GPC6: variants seen among roughly 807,000 people sequenced by gnomAD.
GPC6 encodes the protein glypican-6.
In GPC6, 14 loss-of-function variants were observed where a neutral mutation model predicts 55.2. The ratio of observed to expected loss-of-function variants is 0.25; its 90% CI spans 0.17 to 0.40. The LOEUF is 0.40. Ranked by LOEUF, GPC6 falls within the 10% of genes least tolerant of loss-of-function variation. The pLI, the probability that GPC6 is intolerant of heterozygous loss-of-function variation, is 1.00. For synonymous variants in GPC6, 278 were observed against 259.6 expected (o/e 1.07, Z -0.68); for missense variants, 641 against 708.5 (o/e 0.90, Z 1.08).
Position 93,807,549 on chromosome 13 carries a change from A to C in GPC6, c.320-22605A>C, listed in dbSNP as rs993032372. Among the ~76,000 whole-genome samples, 13 of 152,348 alleles carry C rather than the reference A, an allele frequency of 8.5e-5. No individual in the cohort carries two copies. In the East Asian group the frequency reaches 2.5e-3, roughly 29 times the overall value. On this transcript the variant is annotated intron_variant, in intron 2 of 8. Transcript: ENST00000377047. ...GAGTTACTGATTCAGACAAAATGGC[A>C]TGAAGGCAAGAACTTACATTCCAAC... is the stretch of plus-strand genomic sequence containing the variant.
At chr13:94,187,454 G>A (rs771849607) in intron 4 of GPC6, 1 of 152,122 alleles carries the variant, frequency 6.6e-6, no homozygotes, top group Non-Finnish European at 1.5e-5. Flanking sequence ...AAGCATTCAC[G>A]AATTTTACTG....
At chr13:94,049,199 C>T (rs77790709) in intron 4 of GPC6, among the ~76,000 whole-genome samples, 1,805 of 150,802 alleles carry the variant, frequency 0.012, 41 homozygotes, top group African/African-American at 0.041. Context: ...TGCAGTAAGA[C>T]GACTGCATCA....
At chr13:94,133,489 C>A (rs894690956) in intron 4 of GPC6, among the ~76,000 whole-genome samples, 1 of 152,036 alleles carries the variant, frequency 6.6e-6, no homozygotes, top group Non-Finnish European at 1.5e-5. Context: ...TACAAGATAT[C>A]TTGGCAGAAC....
chr13:93,765,598 G>A (rs1300596832), intron 2 of GPC6, among the ~76,000 whole-genome samples: 1 of 152,042 alleles, frequency 6.6e-6, no homozygotes, highest in African/African-American at 2.4e-5. Flanking sequence ...TATGCCCCAG[G>A]TTACCTGCAT....
chr13:93,729,185 T>C (rs1317926983), intron 2 of GPC6, among the ~76,000 whole-genome samples: 3 of 152,196 alleles, frequency 2.0e-5, no homozygotes, highest in African/African-American at 7.2e-5. Flanking sequence ...CTCTCTTCTC[T>C]GTGTAGCTTA....
At chr13:93,920,474 T>G (rs1877512560) in intron 3 of GPC6, among the ~76,000 whole-genome samples, 1 of 152,200 alleles carries the variant, frequency 6.6e-6, no homozygotes, top group East Asian at 1.9e-4. Context: ...ACTTGAAGGT[T>G]TCCCTAATAT....
intron 4 of GPC6, among the ~76,000 whole-genome samples, chr13:94,231,533 T>C (rs1890728852): frequency 6.6e-6 from 1 of 152,170 alleles, no homozygotes; most frequent in South Asian, 2.1e-4. Context: ...AAGGGCAACT[T>C]AAAAGGCATG....
chr13:93,828,950 C>T (rs7332246), intron 2 of GPC6, among the ~76,000 whole-genome samples: 5,978 of 152,134 alleles, frequency 0.039, 160 homozygotes, highest in African/African-American at 0.067. Context: ...GAGAGGTGTT[C>T]GTCACTATTT....
chr13:93,568,887 C>G (rs1221985863), intron 2 of GPC6, among the ~76,000 whole-genome samples: 1 of 152,090 alleles, frequency 6.6e-6, no homozygotes, highest in African/African-American at 2.4e-5. Context: ...GTTTCTTTGC[C>G]TTTTCATGTT....
intron 1 of GPC6, among the ~76,000 whole-genome samples, chr13:93,318,456 A>G (rs1594093171): frequency 6.6e-6 from 1 of 152,164 alleles, no homozygotes; most frequent in African/African-American, 2.4e-5. Flanking sequence ...AAGAATATTG[A>G]GACTCCAGTT....
At chr13:93,478,698 T>A (rs148675312) in intron 1 of GPC6, among the ~76,000 whole-genome samples, 203 of 152,266 alleles carry the variant, frequency 1.3e-3, no homozygotes, top group African/African-American at 4.5e-3. Context: ...GTGAGGGACA[T>A]GTTACTAGTA....
At chr13:94,109,115 A>G (rs945326652) in intron 4 of GPC6, among the ~76,000 whole-genome samples, 2 of 152,220 alleles carry the variant, frequency 1.3e-5, no homozygotes, top group African/African-American at 4.8e-5. Context: ...TTGCTTAACT[A>G]TGTGAAATTC....
intron 4 of GPC6, among the ~76,000 whole-genome samples, chr13:94,097,023 CACCTATTATGATAAATAGGTTAAT>C (rs1426561971): frequency 2.8e-4 from 36 of 128,426 alleles, no homozygotes; most frequent in Non-Finnish European, 4.6e-4. Flanking sequence ...AATAGGTTAA[CACCTATTATGATAAATAGGTTAAT>C]ACCTATTATG....
chr13:94,324,477 G>C (rs1373062686), intron 6 of GPC6, among the ~76,000 whole-genome samples: 6 of 152,192 alleles, frequency 3.9e-5, no homozygotes, highest in Non-Finnish European at 8.8e-5. Flanking sequence ...GTTACCAACT[G>C]TAATTTAACT....
At chr13:94,278,245 G>A (rs1262668272) in intron 4 of GPC6, among the ~76,000 whole-genome samples, 1 of 152,024 alleles carries the variant, frequency 6.6e-6, no homozygotes, top group Admixed American at 6.6e-5. Flanking sequence ...CTTGTCTATT[G>A]TTGGTATAAA....
chr13:93,262,476 T>C (rs1877184381), intron 1 of GPC6, among the ~76,000 whole-genome samples: 1 of 152,196 alleles, frequency 6.6e-6, no homozygotes, highest in African/African-American at 2.4e-5. Context: ...TTTTCAAAAA[T>C]TTATTTATGA....
At chr13:94,107,894 G>A (rs925456144) in intron 4 of GPC6, among the ~76,000 whole-genome samples, 12 of 151,962 alleles carry the variant, frequency 7.9e-5, no homozygotes, top group African/African-American at 2.9e-4. Context: ...AAAAATAGAT[G>A]TTGGCATGGA....
rs34697552 is a variant in GPC6 at position 93,861,407 on chromosome 13, TAA to T, written c.711+30875_711+30876del. Among the ~76,000 whole-genome samples the T allele has an allele frequency of 3.7e-3, 532 of 142,150 alleles. 5 individuals are homozygous for T. The highest frequency in any genetic ancestry group is 0.011 in the African/African-American group (436 of 39,044). 93.3% of individuals were successfully genotyped at this position (142,150 alleles called of 152,430 possible). A position where few individuals can be genotyped will look rare whatever the true frequency, so the allele number is the denominator to read the frequency against. ...CTTCAAGTACCTGGAGTTGTATATG[TAA>T]AAAAAAAAAAAAGAAAATATTCATA... On this transcript the variant is annotated intron_variant, in intron 3 of 8. Coordinates refer to ENST00000377047, the MANE Select transcript of GPC6 (RefSeq NM_005708.5).
chr13:93,396,861 C>CT (rs1875878574), intron 1 of GPC6, among the ~76,000 whole-genome samples: 1 of 152,084 alleles, frequency 6.6e-6, no homozygotes, highest in Non-Finnish European at 1.5e-5. Flanking sequence ...CATCTCCAGT[C>CT]TTTTTATTTT....
Sources: gnomAD v4.1 joint callset for allele counts (sites outside exome capture counted in the v4.1 genomes callset) on GRCh38, gnomAD v4.1.1 for gene constraint, MANE v1.5 for transcripts, NCBI Gene and HGNC (gene_info 2026-07-23, HGNC 2026-07-21) for gene names.